MFAP3L: variants seen among roughly 807,000 people sequenced by gnomAD.
MFAP3L encodes the protein microfibrillar-associated protein 3-like.
A neutral mutation model predicts 20.0 loss-of-function variants in MFAP3L; 5 were observed. The observed-to-expected ratio is 0.25, with a 90% CI of 0.13 to 0.53. MFAP3L has a LOEUF of 0.53. Among genes scored for constraint, MFAP3L ranks in the 20% least tolerant of loss-of-function variants. MFAP3L has a pLI of 0.96. For synonymous variants in MFAP3L, 219 were observed against 213.0 expected, an observed-to-expected ratio of 1.03 and a Z score of -0.25; for missense variants, 409 against 527.5, an observed-to-expected ratio of 0.78 and a Z score of 2.20.
At chr4:170,025,263 G>C (rs1312771631) in intron 1 of MFAP3L, among the ~76,000 whole-genome samples, 1 of 152,110 alleles carries the variant, frequency 6.6e-6, no homozygotes, top group African/African-American at 2.4e-5. Context: ...ACTATGTTCA[G>C]CATAGTAGCA....
chr4:169,994,892 G>A (rs1940400432), intron 2 of MFAP3L: 2 of 152,166 alleles, frequency 1.3e-5, no homozygotes, highest in Non-Finnish European at 2.9e-5. Context: ...TCATATATCT[G>A]TGAAGTGACT....
chr4:170,004,840 A>G (rs967934162), intron 2 of MFAP3L, among the ~76,000 whole-genome samples: 1 of 152,200 alleles, frequency 6.6e-6, no homozygotes, highest in African/African-American at 2.4e-5. Context: ...GTAAATGCCT[A>G]GGAAAGCAGA....
At chr4:170,018,351 G>A (rs1216766967) in intron 1 of MFAP3L, among the ~76,000 whole-genome samples, 1 of 152,238 alleles carries the variant, frequency 6.6e-6, no homozygotes, top group African/African-American at 2.4e-5. Context: ...GTGCAAGGCT[G>A]TCTGGAGAGC....
At chr4:170,014,139 T>C (rs1245716034) in intron 1 of MFAP3L, among the ~76,000 whole-genome samples, 1 of 152,222 alleles carries the variant, frequency 6.6e-6, no homozygotes, top group Non-Finnish European at 1.5e-5. Context: ...GCTGTCTTTC[T>C]TTTCATTAGA....
At chr4:169,994,939 T>C (rs963713296) in intron 2 of MFAP3L, 1 of 152,344 alleles carries the variant, frequency 6.6e-6, no homozygotes, top group Admixed American at 6.5e-5. Flanking sequence ...TGAGTGCATA[T>C]ATTATAATCC....
chr4:170,000,226 G>A (rs1044889977), intron 2 of MFAP3L, among the ~76,000 whole-genome samples: 11 of 152,206 alleles, frequency 7.2e-5, no homozygotes, highest in African/African-American at 2.4e-4. Flanking sequence ...CTGATGAGAA[G>A]AGAATCCCAA....
intron 2 of MFAP3L, chr4:170,005,361 C>A: frequency 1.7e-6 from 1 of 581,980 alleles, no homozygotes; most frequent in Admixed American, 3.2e-5. Context: ...TTTAAAAAGA[C>A]TTCTGTGTTT....
intron 2 of MFAP3L, among the ~76,000 whole-genome samples, chr4:170,001,211 C>T (rs149672528): frequency 4.7e-4 from 71 of 152,332 alleles, no homozygotes; most frequent in African/African-American, 1.5e-3. Context: ...CTGGCTGACA[C>T]AGCTTGTCAT....
chr4:170,004,661 A>G lies in MFAP3L; in HGVS notation c.298+919T>C, dbSNP rs777531664. On this transcript the variant is annotated intron_variant, in intron 2 of 2. Transcript: ENST00000361618. ...CAGGGCAATTAAGATAAAATGAGGG[A>G]AAGAGATTTAAAATGTAGGTTTTCC... Among the ~76,000 whole-genome samples, 259 of 152,312 alleles carry G rather than the reference A, an allele frequency of 1.7e-3. 4 individuals are homozygous for G. The highest frequency in any genetic ancestry group is 1.4e-3 in the Non-Finnish European group (98 of 68,016).
At chr4:170,021,129 T>TA (rs1740009882) in intron 1 of MFAP3L, among the ~76,000 whole-genome samples, 1 of 151,660 alleles carries the variant, frequency 6.6e-6, no homozygotes, top group African/African-American at 2.4e-5. Context: ...GAAAGAGCAA[T>TA]AAAAAAAATA....
rs1249332963 is a variant in MFAP3L, at chr4:170,005,899, G to C, written c.-22C>G. 1 of 1,604,160 alleles carries C rather than the reference G, an allele frequency of 6.2e-7. No individual in the cohort carries two copies. The highest frequency in any genetic ancestry group is 8.5e-7 in the Non-Finnish European group (1 of 1,173,050). On this transcript the variant is annotated 5_prime_UTR_variant, in exon 2 of 3. Coordinates refer to ENST00000361618, the MANE Select transcript of MFAP3L (RefSeq NM_021647.8). The stretch of plus-strand genomic sequence containing the variant: ...CCATCTTCTTTGCTTGCTCTGTAAG[G>C]CAATAGAGAGATGGTTTGCCAACCG...
intron 2 of MFAP3L, among the ~76,000 whole-genome samples, chr4:170,002,798 C>T (rs7435353): frequency 0.042 from 6,442 of 151,580 alleles, 390 homozygotes; most frequent in East Asian, 0.22. Flanking sequence ...ATGAGCCACG[C>T]GCTTGGCCTA....
Position 170,026,222 on chromosome 4 carries a change from GC to G in MFAP3L, c.-134+11del. 1.0e-6 allele frequency: 1 copy of G among 984,470 alleles called. No individual in the cohort carries two copies. The highest frequency in any genetic ancestry group is 1.2e-6 in the Non-Finnish European group (1 of 829,486). The allele number at this position is 984,470 out of a possible 1,614,324, so 61.0% of individuals were successfully genotyped here. A position where few individuals can be genotyped will look rare whatever the true frequency, so the allele number is the denominator to read the frequency against. ...GCCCCTCCGCCCCGGCCCGCCGGGGGCCCCCGCTAACCTGACACCGCCGCGC... is the reference window on the plus strand; with the variant it reads ...GCCCCTCCGCCCCGGCCCGCCGGGGGCCCCGCTAACCTGACACCGCCGCGC... On this transcript the variant is annotated intron_variant, in intron 1 of 2. Transcript: ENST00000361618.
rs966369860 is a variant in MFAP3L at position 169,987,430 on chromosome 4, A to G, written c.*3948T>C. On this transcript the variant is annotated 3_prime_UTR_variant, in exon 3 of 3. Transcript: ENST00000361618. ...AGGAAAGTATCTGAACAATGCTGAG[A>G]AAACAGAGTATCTGAAATGTAAGGT... 6.6e-6 allele frequency: 1 copy of G among 152,186 alleles called. No homozygotes were observed. The highest frequency in any genetic ancestry group is 2.1e-4 in the South Asian group (1 of 4,830). 9.4% of individuals were successfully genotyped at this position (152,186 alleles called of 1,614,324 possible).
chr4:170,008,562 A>G (rs892913678), intron 1 of MFAP3L, among the ~76,000 whole-genome samples: 1 of 152,172 alleles, frequency 6.6e-6, no homozygotes, highest in Non-Finnish European at 1.5e-5. Flanking sequence ...GATAACTTCA[A>G]TATGTTCTCT....
Position 169,991,388 on chromosome 4 carries a change from C to G in MFAP3L, c.1220G>C (p.Ser407Thr). ...TTTTCGGGGTTGGTATTAGACATGGCTTTCGTAAATAATGCAGGTGTTTTT... is the reference window on the plus strand; with the variant it reads ...TTTTCGGGGTTGGTATTAGACATGGGTTTCGTAAATAATGCAGGTGTTTTT... ...HDKNTCIIYE[S>T]HV Residue 407 changes from serine to threonine, a missense_variant, in exon 3 of 3, where the codon AGC (serine) becomes ACC (threonine). Ser to Thr is a moderately conservative substitution (Grantham distance 58, BLOSUM62 1). Around this residue, in one of 3 missense-constraint regions of MFAP3L, gnomAD observed 169 missense variants for 178.2 expected, o/e 0.95. Coordinates refer to ENST00000361618, the MANE Select transcript of MFAP3L (RefSeq NM_021647.8). The surrounding 1 kb of genome is among the most constrained non-coding windows in gnomAD (Gnocchi z 4.9). 1 of 1,613,372 alleles carries G rather than the reference C, an allele frequency of 6.2e-7. No homozygotes were observed. Among genetic ancestry groups the G allele is most frequent in the Non-Finnish European group, 8.5e-7 (1 of 1,179,532 alleles).
chr4:169,994,739 A>C (rs1441118564), intron 2 of MFAP3L, among the ~76,000 whole-genome samples: 1 of 152,208 alleles, frequency 6.6e-6, no homozygotes, highest in African/African-American at 2.4e-5. Context: ...ATTTTGGGGA[A>C]ATCTGTGAGA....
At chr4:170,026,615 C>A (rs1229799046), upstream of MFAP3L, among the ~76,000 whole-genome samples, 1 of 151,974 alleles carries the variant, frequency 6.6e-6, no homozygotes, top group African/African-American at 2.4e-5. Context: ...GCCGGGGAGT[C>A]CCGCATTCAG....
chr4:169,993,369 C>T (rs910585425), intron 2 of MFAP3L, among the ~76,000 whole-genome samples: 4 of 152,222 alleles, frequency 2.6e-5, no homozygotes, highest in East Asian at 1.9e-4. Context: ...TCTAGTTCCC[C>T]GAGCCGACTA....
Sources: gnomAD v4.1 joint callset for allele counts (sites outside exome capture counted in the v4.1 genomes callset) on GRCh38, gnomAD v4.1.1 for gene constraint, gnomAD v4.1.1 regional missense constraint, Gnocchi (gnomAD v3.1) non-coding constraint, MANE v1.5 for transcripts, NCBI Gene and HGNC (gene_info 2026-07-23, HGNC 2026-07-21) for gene names.